The following ZNF117 variants were observed in gnomAD, a reference collection of about 807,000 sequenced individuals.
ZNF117 encodes Krueppel-related zinc finger protein.
ZNF117 carries 37 observed loss-of-function variants against 41.2 expected under a neutral mutation model. That is an observed-to-expected ratio of 0.90 (90% CI 0.69 to 1.18). The LOEUF is 1.18. Among genes scored for constraint, ZNF117 ranks in the 50% most tolerant of loss-of-function variants. The pLI is 0.00. For missense variants in ZNF117, 546 were observed against 557.5 expected (o/e 0.98, Z 0.21); for synonymous variants, 186 against 186.6 (o/e 1.00, Z 0.02).
At chr7:64,979,234 C>T (rs774143916) in exon 3 of ZNF117, 44 of 1,608,810 alleles carry the variant, frequency 2.7e-5, no homozygotes, top group East Asian at 2.2e-4. Context: ...TTGCGACATT[C>T]TTTACATTTA....
chr7:64,976,874 A>G, exon 3 of ZNF117: 1 of 476,948 alleles, frequency 2.1e-6, no homozygotes, highest in South Asian at 1.5e-5. Flanking sequence ...AGTTACAAGC[A>G]TTGCCACATT....
At position 64,978,236 on chromosome 7, in the gene ZNF117, G is replaced by T. The variant is rs1439964012; in HGVS notation, c.1335C>A (p.Tyr445Ter). The change falls in exon 3 of 3, where the codon TAC (tyrosine) becomes TAA (stop). Residue 445 changes from tyrosine to a stop codon, truncating the protein, a stop_gained. Transcript: ENST00000620222. LOFTEE classifies it high-confidence loss of function. The stretch of plus-strand genomic sequence containing the variant: ...AAGCTTTGCCACATTCTTCACATTT[G>T]TAGGGTTTCTCTCCAGTATGAATTC... The T allele has an allele frequency of 6.2e-7, 1 of 1,612,974 alleles. No homozygotes were observed. Among genetic ancestry groups the T allele is most frequent in the South Asian group, 1.1e-5 (1 of 91,028 alleles).
chr7:64,986,084 C>T (rs1349215863), upstream of ZNF117, among the ~76,000 whole-genome samples: 4 of 151,474 alleles, frequency 2.6e-5, no homozygotes, highest in East Asian at 5.8e-4. Context: ...AACTACTGGA[C>T]ATCTTAATTT....
At chr7:64,977,560 A>G (rs1245837545) in exon 3 of ZNF117, 4 of 560,350 alleles carry the variant, frequency 7.1e-6, no homozygotes, top group Admixed American at 2.1e-5. Flanking sequence ...CATTCTTCAC[A>G]CTTGTAGGGT....
At position 64,990,161 on chromosome 7, in the gene ZNF117, C is replaced by G. The variant is rs1384408596; in HGVS notation, c.-410G>C. The G allele has an allele frequency of 6.6e-6, 1 of 152,200 alleles. No individual in the cohort carries two copies. The highest frequency in any genetic ancestry group is 1.5e-5 in the Non-Finnish European group (1 of 68,034). The allele number at this position is 152,200 out of a possible 1,614,324, so 9.4% of individuals were successfully genotyped here. A position where few individuals can be genotyped will look rare whatever the true frequency, so the allele number is the denominator to read the frequency against. ...CAGATACTTTTCAAAAGAAGACATA[C>G]ATGTGGCTGACAAGCATATGAAAAC... On this transcript the variant is annotated 5_prime_UTR_variant, in exon 1 of 4. It removes an upstream start codon present in the reference 5' UTR. Coordinates refer to the ZNF117 transcript ENST00000282869.
exon 3 of ZNF117, chr7:64,977,845 T>C: frequency 2.7e-6 from 3 of 1,123,642 alleles, no homozygotes; most frequent in Non-Finnish European, 4.0e-6. Context: ...TGAATTTTCT[T>C]ATGTTTAATA....
At position 64,978,320 on chromosome 7, in the gene ZNF117, G is replaced by T; in HGVS notation, c.1251C>A (p.Tyr417Ter). Residue 417 changes from tyrosine (Y) to a stop codon, truncating the protein, a stop_gained, in exon 3 of 3, where the codon TAC becomes TAA. Coordinates refer to ENST00000620222, the Ensembl canonical transcript of ZNF117. LOFTEE classifies it high-confidence loss of function. ...AGGCTTTGCCACATTCTTCACATTT[G>T]TAGAGTTTCTCTCCAGTATGAATTT... 1 of 1,607,970 alleles carries T rather than the reference G, an allele frequency of 6.2e-7. No individual in the cohort carries two copies. The highest frequency in any genetic ancestry group is 8.5e-7 in the Non-Finnish European group (1 of 1,175,606).
chr7:64,974,123 C>T (rs1340922796), downstream of ZNF117: 1 of 151,760 alleles, frequency 6.6e-6, no homozygotes, highest in Non-Finnish European at 1.5e-5. Flanking sequence ...GAAATATAGG[C>T]TTATATAGGA....
exon 3 of ZNF117, chr7:64,976,708 C>T (rs896003736): frequency 2.6e-5 from 9 of 347,066 alleles, no homozygotes; most frequent in Middle Eastern, 9.7e-4. Flanking sequence ...CATTTAAAGG[C>T]TTTGTACCAT....
At chr7:64,974,093 A>T (rs1785825629), downstream of ZNF117, 1 of 151,968 alleles carries the variant, frequency 6.6e-6, no homozygotes, top group African/African-American at 2.4e-5. Flanking sequence ...TATGTCAATT[A>T]TAACAAGAGA....
exon 3 of ZNF117, chr7:64,976,761 T>C (rs1216362240): frequency 8.3e-6 from 3 of 362,330 alleles, no homozygotes; most frequent in Non-Finnish European, 1.6e-5. Context: ...ATTTATTTTA[T>C]GTTTAGAAAA....
In ZNF117 at chr7:64,979,783, T is replaced by C. The variant is rs767354920; in HGVS notation, c.35-247A>G. On this transcript the variant is annotated intron_variant, in intron 2 of 2. Coordinates refer to ENST00000620222, the Ensembl canonical transcript of ZNF117. ...GGTTATCACAATTCCAAAAGCCACA[T>C]GGAAGGAAGAGAAAAGTTGGTTACA... 107 of 279,736 alleles carry C rather than the reference T, an allele frequency of 3.8e-4. 1 individual carries two copies. Among genetic ancestry groups the C allele is most frequent in the Non-Finnish European group, 5.4e-4 (82 of 151,258 alleles). The allele number at this position is 279,736 out of a possible 1,614,324, so 17.3% of individuals were successfully genotyped here. A position where few individuals can be genotyped will look rare whatever the true frequency, so the allele number is the denominator to read the frequency against.
upstream of ZNF117, among the ~76,000 whole-genome samples, chr7:64,984,000 C>T (rs1325658085): frequency 1.3e-5 from 2 of 152,204 alleles, no homozygotes; most frequent in East Asian, 1.9e-4. Context: ...GCATGAGAAA[C>T]GTGAGCATTA....
At chr7:64,986,726 C>T (rs1408229922), upstream of ZNF117, among the ~76,000 whole-genome samples, 1 of 152,072 alleles carries the variant, frequency 6.6e-6, no homozygotes, top group Non-Finnish European at 1.5e-5. Flanking sequence ...ACCCAGTTCC[C>T]AGCCTAACTT....
chr7:64,984,464 C>T (rs915994233), upstream of ZNF117, among the ~76,000 whole-genome samples: 2 of 152,170 alleles, frequency 1.3e-5, no homozygotes, highest in Non-Finnish European at 2.9e-5. Context: ...GAGTTTGCAT[C>T]ATGGTGAACT....
In ZNF117 at chr7:64,979,240, A is replaced by G. The variant is rs201329596; in HGVS notation, c.331T>C (p.Cys111Arg). 4.0e-4 allele frequency: 650 copies of G among 1,608,298 alleles called. 1 individual carries two copies. The highest frequency in any genetic ancestry group is 5.3e-4 in the Non-Finnish European group (626 of 1,177,804). ...CAAAATGTTTTGCGACATTCTTTAC[A>G]TTTAAAATGTTTATTTTCAGTATGT... is the stretch of plus-strand genomic sequence containing the variant. Residue 111 changes from cysteine to arginine, a missense_variant, in exon 3 of 3, where the codon TGT (cysteine) becomes CGT (arginine). Physicochemically the swap from Cys to Arg is radical, Grantham distance 180. Coordinates refer to ENST00000620222, the Ensembl canonical transcript of ZNF117.
Position 64,978,088 on chromosome 7 carries a change from G to A in ZNF117, c.*31C>T, listed in dbSNP as rs749593196. On this transcript the variant is annotated 3_prime_UTR_variant, in exon 3 of 3. Coordinates refer to ENST00000620222, the Ensembl canonical transcript of ZNF117. ...CACTTGTAAGGTTTCTCTCCAGTAT[G>A]AATTTTCTTGTGTTCAATGAGTTTT... The A allele has an allele frequency of 3.1e-6, 5 of 1,594,306 alleles. No individual in the cohort carries two copies. In the African/African-American group the frequency reaches 6.7e-5, roughly 21 times the overall value.
chr7:64,989,443 TTATATATATATATATATA>T (rs58009024), intron 1 of ZNF117, among the ~76,000 whole-genome samples: 2,423 of 49,382 alleles, frequency 0.049, 145 homozygotes, highest in African/African-American at 0.12. Flanking sequence ...GAACTTAAAA[TTATATATATATATATATA>T]TATATATATA....
At position 64,979,554 on chromosome 7, in the gene ZNF117, A is replaced by G; in HGVS notation, c.35-18T>C. On this transcript the variant is annotated intron_variant, in intron 2 of 2. Coordinates refer to ENST00000620222, the Ensembl canonical transcript of ZNF117. ...AAACATAACTGAAAGAAATAAAAGT[A>G]ACAAACTACTTCACTTGCTCGACTC... The G allele has an allele frequency of 6.9e-7, 1 of 1,452,628 alleles. No homozygotes were observed. Among genetic ancestry groups the G allele is most frequent in the Non-Finnish European group, 9.1e-7 (1 of 1,098,238 alleles). 90.0% of individuals were successfully genotyped at this position (1,452,628 alleles called of 1,614,324 possible). A position where few individuals can be genotyped will look rare whatever the true frequency, so the allele number is the denominator to read the frequency against.
Sources: gnomAD v4.1 joint callset for allele counts (sites outside exome capture counted in the v4.1 genomes callset) on GRCh38, gnomAD v4.1.1 for gene constraint, MANE v1.5 for transcripts, NCBI Gene and HGNC (gene_info 2026-07-23, HGNC 2026-07-21) for gene names.